Variants in ITPR1 observed in about 807,000 individuals in gnomAD.
ITPR1 encodes the protein inositol 1,4,5-trisphosphate receptor type 1, also known as inositol 1,4,5-trisphosphate-gated calcium channel ITPR1.
In ITPR1, 96 loss-of-function variants were observed where a neutral mutation model predicts 318.4. The ratio of observed to expected loss-of-function variants is 0.30; its 90% CI spans 0.26 to 0.36. The LOEUF is 0.36. Ranked by LOEUF, ITPR1 falls within the 10% of genes least tolerant of loss-of-function variation. ITPR1 has a pLI of 1.00. For synonymous variants in ITPR1, 1,312 were observed against 1,289.9 expected, an observed-to-expected ratio of 1.02 and a Z score of -0.37; for missense variants, 2,440 against 3,460.2, an observed-to-expected ratio of 0.71 and a Z score of 7.40.
rs78487649 is a variant in ITPR1, at chr3:4,673,581, G to T, written c.2456+194G>T. Among the ~76,000 whole-genome samples the T allele has an allele frequency of 0.074, 5,515 of 74,300 alleles. 270 individuals are homozygous for T. Among genetic ancestry groups the T allele is most frequent in the African/African-American group, 0.19 (4,611 of 24,024 alleles). The allele number at this position is 74,300 out of a possible 152,430, so 48.7% of individuals were successfully genotyped here. On this transcript the variant is annotated intron_variant, in intron 21 of 61. Coordinates refer to ENST00000649015, the MANE Select transcript of ITPR1 (RefSeq NM_001378452.1). Reference sequence around the variant, plus strand: ...TGGCATGATTATGTTTTTGGTTTTTGTTTGTTTGTTTGTTTGTTTGAGATG... The same window carrying T: ...TGGCATGATTATGTTTTTGGTTTTTTTTTGTTTGTTTGTTTGTTTGAGATG...
intron 52 of ITPR1, among the ~76,000 whole-genome samples, chr3:4,789,845 C>T (rs1293113517): frequency 6.6e-6 from 1 of 152,204 alleles, no homozygotes; most frequent in African/African-American, 2.4e-5. Context: ...GTCTCAAACT[C>T]CTGACCTTGT....
At chr3:4,757,738 A>C (rs1301600910) in intron 44 of ITPR1, among the ~76,000 whole-genome samples, 1 of 152,180 alleles carries the variant, frequency 6.6e-6, no homozygotes, top group Non-Finnish European at 1.5e-5. Flanking sequence ...ATGCATATAA[A>C]GCGCTTAGCG....
intron 31 of ITPR1, among the ~76,000 whole-genome samples, chr3:4,690,108 C>G (rs2094456993): frequency 6.6e-6 from 1 of 152,196 alleles, no homozygotes; most frequent in Non-Finnish European, 1.5e-5. Context: ...GAAACCTTAT[C>G]TCTATTAAAA....
chr3:4,738,915 CACGCACATGCTGTT>C (rs1446084807), intron 44 of ITPR1, among the ~76,000 whole-genome samples: 25 of 151,828 alleles, frequency 1.6e-4, no homozygotes, highest in Non-Finnish European at 2.1e-4. Context: ...GGTGTGGCCG[CACGCACATGCTGTT>C]TTCTCCTCCC....
chr3:4,784,982 C>A (rs373413212), intron 51 of ITPR1, among the ~76,000 whole-genome samples: 10 of 152,102 alleles, frequency 6.6e-5, no homozygotes, highest in East Asian at 5.8e-4. Context: ...CTAGGGAATG[C>A]TCAAATTACA....
At chr3:4,577,655 T>C (rs1236940543) in intron 4 of ITPR1, among the ~76,000 whole-genome samples, 1 of 152,260 alleles carries the variant, frequency 6.6e-6, no homozygotes, top group African/African-American at 2.4e-5. Context: ...CCTTTGCTGT[T>C]GAAATTTGTC....
chr3:4,716,407 C>G (rs2041767490), intron 39 of ITPR1, among the ~76,000 whole-genome samples: 1 of 152,158 alleles, frequency 6.6e-6, no homozygotes, highest in Non-Finnish European at 1.5e-5. Context: ...ACTCAAAGAG[C>G]TTTGGAAAGA....
At position 4,836,913 on chromosome 3, in the gene ITPR1, A is replaced by T; in HGVS notation, c.8168A>T (p.Gln2723Leu). The T allele has an allele frequency of 6.3e-7, 1 of 1,591,892 alleles. No homozygotes were observed. The highest frequency in any genetic ancestry group is 2.2e-5 in the East Asian group (1 of 44,716). ...AAACTTGTCACGAACCTTTCTGGCC[A>T]GCTGTCGGAATTAAAGGATCAGGTA... ...TMKLVTNLSGQLSELKDQMTE... is the reference protein window; with the variant it reads ...TMKLVTNLSGLLSELKDQMTE... The change falls in exon 61 of 62, where the codon CAG becomes CTG. Residue 2723 changes from glutamine (Q) to leucine (L), a missense_variant. Around this residue, in one of 23 missense-constraint regions of ITPR1, gnomAD observed 63 missense variants for 63.4 expected, o/e 0.99. Transcript: ENST00000649015.
At chr3:4,822,877 G>GACATA (rs1295424915) in intron 60 of ITPR1, among the ~76,000 whole-genome samples, 1 of 152,146 alleles carries the variant, frequency 6.6e-6, no homozygotes, top group African/African-American at 2.4e-5. Flanking sequence ...CATAGCCCTT[G>GACATA]GCAGATCAAG....
rs114852379 is a variant in ITPR1, at chr3:4,623,567, T to A, written c.164-4196T>A. ...TTCCCCCAAATAAATATTAAATATA[T>A]TCTTCTGGTTTTCCTGTATTTGTAC... On this transcript the variant is annotated intron_variant, in intron 4 of 61. Transcript: ENST00000649015. Among the ~76,000 whole-genome samples, 276 of 152,318 alleles carry A rather than the reference T, an allele frequency of 1.8e-3. 1 individual carries two copies. Among genetic ancestry groups the A allele is most frequent in the Middle Eastern group, 6.8e-3 (2 of 294 alleles).
At chr3:4,586,872 A>T (rs190045452) in intron 4 of ITPR1, among the ~76,000 whole-genome samples, 1 of 151,806 alleles carries the variant, frequency 6.6e-6, no homozygotes, top group East Asian at 1.9e-4. Flanking sequence ...CTCTCTTTTA[A>T]ACTTCCCTTC....
intron 2 of ITPR1, among the ~76,000 whole-genome samples, chr3:4,499,943 T>G (rs304062): frequency 0.95 from 144,501 of 152,222 alleles, 69,042 homozygotes; most frequent in East Asian, 1. Flanking sequence ...TTTGCTTAGG[T>G]GGGTGTGAGA....
At chr3:4,533,330 G>C (rs189550082) in intron 4 of ITPR1, among the ~76,000 whole-genome samples, 348 of 152,348 alleles carry the variant, frequency 2.3e-3, no homozygotes, top group Non-Finnish European at 3.9e-3. Flanking sequence ...AGGAGCACAG[G>C]CTCTGGAGTC....
At chr3:4,629,944 G>A (rs11709831) in intron 5 of ITPR1, among the ~76,000 whole-genome samples, 2,616 of 152,194 alleles carry the variant, frequency 0.017, 38 homozygotes, top group Middle Eastern at 0.031. Flanking sequence ...TTCTGGAATT[G>A]CATCGTTATT....
chr3:4,556,513 T>TA (rs1048994690), intron 4 of ITPR1, among the ~76,000 whole-genome samples: 42 of 145,448 alleles, frequency 2.9e-4, no homozygotes, highest in East Asian at 1.8e-3. Context: ...TTTTTTTTTT[T>TA]ATCTCCCTAG....
At chr3:4,819,022 G>A (rs990856300) in intron 60 of ITPR1, among the ~76,000 whole-genome samples, 2 of 152,160 alleles carry the variant, frequency 1.3e-5, no homozygotes, top group Non-Finnish European at 2.9e-5. Flanking sequence ...CTGAGGAGAA[G>A]GGGCCAACTC....
intron 10 of ITPR1, among the ~76,000 whole-genome samples, chr3:4,651,048 T>A (rs1312787913): frequency 6.6e-6 from 1 of 152,178 alleles, no homozygotes; most frequent in African/African-American, 2.4e-5. Context: ...GGGGCTAGGT[T>A]AACTCCCCTT....
chr3:4,783,781 C>T (rs1314527946), intron 50 of ITPR1, 35 bp from the exon 51 acceptor site: 4 of 1,466,436 alleles, frequency 2.7e-6, no homozygotes, highest in South Asian at 2.4e-5. Context: ...TGTGAAGAGA[C>T]ACCAACCTCC....
chr3:4,706,283 A>T lies in ITPR1; in HGVS notation c.4774A>T (p.Asn1592Tyr). The T allele has an allele frequency of 1.2e-6, 2 of 1,614,052 alleles. No homozygotes were observed. The highest frequency in any genetic ancestry group is 1.7e-6 in the Non-Finnish European group (2 of 1,179,886). Residue 1592 changes from asparagine (N) to tyrosine (Y), a missense_variant, in exon 37 of 62, where the codon AAT (asparagine) becomes TAT (tyrosine). By Grantham distance (143) the Asn-to-Tyr change is moderately radical. Coordinates refer to ENST00000649015, the MANE Select transcript of ITPR1 (RefSeq NM_001378452.1). ...TAMNWRLSAR[N>Y]AARRDSVLAA... is the part of the protein sequence containing the mutation. ...CATGAACTGGCGGCTCTCAGCCCGC[A>T]ATGCCGCACGCAGGGACTCTGTTCT... is the stretch of plus-strand genomic sequence containing the variant.
Sources: gnomAD v4.1 joint callset for allele counts (sites outside exome capture counted in the v4.1 genomes callset) on GRCh38, gnomAD v4.1.1 for gene constraint, gnomAD v4.1.1 regional missense constraint, MANE v1.5 for transcripts, NCBI Gene and HGNC (gene_info 2026-07-23, HGNC 2026-07-21) for gene names.